The following ATP10B variants were observed in gnomAD, a reference collection of about 807,000 sequenced individuals.
ATP10B encodes ATPase phospholipid transporting 10B (putative), also known as phospholipid-transporting ATPase VB.
A neutral mutation model predicts 141.2 loss-of-function variants in ATP10B; 122 were observed. That is an observed-to-expected ratio of 0.86 (90% CI 0.75 to 1.00). The LOEUF (loss-of-function observed/expected upper bound fraction) is 1.00, where lower values mean the gene tolerates loss of function less well. Among genes scored for constraint, ATP10B ranks in the 50% least tolerant of loss-of-function variants. The pLI, the probability that ATP10B is intolerant of heterozygous loss-of-function variation, is 0.00. For synonymous variants in ATP10B, 685 were observed against 692.0 expected, an observed-to-expected ratio of 0.99 and a Z score of 0.16; for missense variants, 1,876 against 1,825.3, an observed-to-expected ratio of 1.03 and a Z score of -0.51.
rs201071012 is a variant in ATP10B at position 160,688,000 on chromosome 5, C to T, written c.75G>A (p.Ser25=). Residue 25 remains serine, a synonymous_variant, in exon 5 of 26, where the codon TCG becomes TCA. Coordinates refer to ENST00000327245, the MANE Select transcript of ATP10B (RefSeq NM_025153.3). ...CTGGAGAGAGCAGCGGTGTGGTTTC[C>T]GATGGACAATGGGGGAAGCCATCTC... The part of the protein sequence containing the change: ...RVRDGFPHCP[S]ETTPLLSPEK... 4,680 of 1,613,990 alleles carry T rather than the reference C, an allele frequency of 2.9e-3. 8 individuals are homozygous for T. The highest frequency in any genetic ancestry group is 3.7e-3 in the Non-Finnish European group (4,327 of 1,180,012).
Position 160,567,874 on chromosome 5 carries a change from G to A in ATP10B, c.3938+1622C>T, listed in dbSNP as rs17058007. ...GAGTAAGATCCAATAGGAGACTACC[G>A]AAATAATTTGGGGTGAAAGGGTAAT... is the stretch of plus-strand genomic sequence containing the variant. On this transcript the variant is annotated intron_variant, in intron 25 of 25. Coordinates refer to ENST00000327245, the MANE Select transcript of ATP10B (RefSeq NM_025153.3). Among the ~76,000 whole-genome samples the A allele has an allele frequency of 7.5e-3, 1,140 of 152,282 alleles. 19 individuals are homozygous for A. Among genetic ancestry groups the A allele is most frequent in the African/African-American group, 0.024 (1,018 of 41,556 alleles).
At chr5:160,869,200 T>C in the ATP10B span, among the ~76,000 whole-genome samples, 1 of 152,132 alleles carries the variant, frequency 6.6e-6, no homozygotes, top group Admixed American at 6.5e-5. Flanking sequence ...GTATAATAAA[T>C]ACTCAAATTG....
At chr5:160,673,971 G>A (rs1055387999) in intron 6 of ATP10B, among the ~76,000 whole-genome samples, 1 of 152,136 alleles carries the variant, frequency 6.6e-6, no homozygotes, top group African/African-American at 2.4e-5. Flanking sequence ...TTGTCCCAAG[G>A]AACAAAGAAT....
rs181172012 is a variant in ATP10B, at chr5:160,597,311, A to G, written c.3564+1459T>C. On this transcript the variant is annotated intron_variant, in intron 22 of 25. Coordinates refer to ENST00000327245, the MANE Select transcript of ATP10B (RefSeq NM_025153.3). ...CAATGGGGAAAGGATTCCCTTTTTA[A>G]TAAATGGTGCTGGGAAAACTGGCTA... Among the ~76,000 whole-genome samples the G allele has an allele frequency of 3.7e-4, 57 of 152,364 alleles. 1 individual carries two copies. Among genetic ancestry groups the G allele is most frequent in the African/African-American group, 1.3e-3 (53 of 41,590 alleles).
the ATP10B span, among the ~76,000 whole-genome samples, chr5:160,859,145 C>A: frequency 2.0e-5 from 3 of 151,782 alleles, no homozygotes; most frequent in African/African-American, 7.2e-5. Context: ...TTGCAAATGT[C>A]TTTTATTTCC....
intron 11 of ATP10B, among the ~76,000 whole-genome samples, chr5:160,635,786 C>T (rs951956041): frequency 6.6e-6 from 1 of 152,184 alleles, no homozygotes; most frequent in Admixed American, 6.5e-5. Context: ...AACACTAACT[C>T]GTGATTTCTC....
At chr5:160,672,238 A>G (rs531675228) in intron 6 of ATP10B, among the ~76,000 whole-genome samples, 2 of 152,088 alleles carry the variant, frequency 1.3e-5, no homozygotes, top group Non-Finnish European at 1.5e-5. Flanking sequence ...CGGCCTCCCA[A>G]AGTGCTGGGA....
At chr5:160,653,649 ATATATACATATATACATATATATT>A (rs1761162033) in intron 7 of ATP10B, among the ~76,000 whole-genome samples, 1 of 74,396 alleles carries the variant, frequency 1.3e-5, no homozygotes, top group Non-Finnish European at 2.3e-5. Context: ...CATATATATT[ATATATACATATATACATATATATT>A]ATATATACAT....
At chr5:160,919,261 T>G in the ATP10B span, among the ~76,000 whole-genome samples, 2 of 124,050 alleles carry the variant, frequency 1.6e-5, no homozygotes, top group African/African-American at 6.5e-5. Flanking sequence ...GAGTGGAAGA[T>G]CAGGCAGGAA....
At chr5:160,716,822 A>T (rs1765688273) in intron 3 of ATP10B, 87 bp downstream of exon 3, 1 of 878,338 alleles carries the variant, frequency 1.1e-6, no homozygotes, top group Admixed American at 6.2e-5. Context: ...GGTGTCATGA[A>T]CCAAAGGACT....
chr5:160,841,255 G>A (rs192119048), intron 1 of ATP10B, among the ~76,000 whole-genome samples: 5 of 151,964 alleles, frequency 3.3e-5, no homozygotes, highest in African/African-American at 9.6e-5. Context: ...AGATCTCTAC[G>A]AACTGATGTA....
chr5:160,585,602 CA>C (rs1330431388), intron 24 of ATP10B, among the ~76,000 whole-genome samples: 24 of 152,116 alleles, frequency 1.6e-4, no homozygotes, highest in Admixed American at 1.6e-3. Flanking sequence ...ACTTCATCTC[CA>C]AAAAACAAAC....
chr5:160,858,159 G>T, the ATP10B span, among the ~76,000 whole-genome samples: 1 of 151,544 alleles, frequency 6.6e-6, no homozygotes. Flanking sequence ...TATGTTGTTT[G>T]GTGCATACAT....
At chr5:160,734,204 T>C (rs1581435083) in intron 2 of ATP10B, among the ~76,000 whole-genome samples, 1 of 151,634 alleles carries the variant, frequency 6.6e-6, no homozygotes, top group Non-Finnish European at 1.5e-5. Flanking sequence ...GCATCAGACC[T>C]GCACTACAAG....
intron 1 of ATP10B, among the ~76,000 whole-genome samples, chr5:160,849,964 T>A (rs1302567103): frequency 6.6e-6 from 1 of 152,200 alleles, no homozygotes. Context: ...AATTTAAGAA[T>A]GCCTGGCTAA....
At chr5:160,783,458 TA>T (rs1460444657) in intron 2 of ATP10B, among the ~76,000 whole-genome samples, 1 of 140,500 alleles carries the variant, frequency 7.1e-6, no homozygotes, top group Non-Finnish European at 1.5e-5. Context: ...TATATATATA[TA>T]TATCATATAT....
At chr5:160,841,343 G>A (rs1442521177) in intron 1 of ATP10B, among the ~76,000 whole-genome samples, 1 of 152,008 alleles carries the variant, frequency 6.6e-6, no homozygotes, top group African/African-American at 2.4e-5. Context: ...TTGTATAAAA[G>A]AAAGAAGGAG....
chr5:160,645,150 C>T (rs918085138), intron 8 of ATP10B, among the ~76,000 whole-genome samples: 3 of 148,924 alleles, frequency 2.0e-5, no homozygotes, highest in Non-Finnish European at 4.5e-5. Context: ...AGGGGCTGTT[C>T]TGCTATGGAG....
Position 160,832,343 on chromosome 5 carries a change from G to A in ATP10B, c.-576+19598C>T, listed in dbSNP as rs115293169. 6.0e-3 allele frequency among the ~76,000 whole-genome samples: 912 copies of A among 152,152 alleles called. 12 individuals are homozygous for A. Among genetic ancestry groups the A allele is most frequent in the African/African-American group, 0.021 (867 of 41,516 alleles). On this transcript the variant is annotated intron_variant, in intron 1 of 25. Transcript: ENST00000327245. Reference sequence around the variant, plus strand: ...GTAAGAAATTGCCTGGATAAGTGATGGCTCAACCAATATAACAAAATACTA... The same window carrying A: ...GTAAGAAATTGCCTGGATAAGTGATAGCTCAACCAATATAACAAAATACTA...
Sources: allele counts gnomAD v4.1 joint callset (sites outside exome capture counted in the v4.1 genomes callset), GRCh38; gene constraint gnomAD v4.1.1; transcripts MANE v1.5; gene names NCBI Gene and HGNC (gene_info 2026-07-23, HGNC 2026-07-21).